Variants in KDM3A observed in about 807,000 individuals in gnomAD.
KDM3A encodes lysine demethylase 3A, also known as lysine-specific demethylase 3A.
KDM3A carries 60 observed loss-of-function variants against 158.0 expected under a neutral mutation model. The ratio of observed to expected loss-of-function variants is 0.38; its 90% CI spans 0.31 to 0.47. The LOEUF (loss-of-function observed/expected upper bound fraction) is 0.47, where lower values mean the gene tolerates loss of function less well. KDM3A is among the 20% of genes least tolerant of loss of function. The pLI is 0.99. For synonymous variants in KDM3A, 608 were observed against 549.3 expected (o/e 1.11, Z -1.49); for missense variants, 1,319 against 1,574.3 (o/e 0.84, Z 2.74).
chr2:86,456,548 T>A lies in KDM3A; in HGVS notation c.663T>A (p.Leu221=). 1 of 1,609,116 alleles carries A rather than the reference T, an allele frequency of 6.2e-7. No homozygotes were observed. Among genetic ancestry groups the A allele is most frequent in the Non-Finnish European group, 8.5e-7 (1 of 1,178,030 alleles). Residue 221 remains leucine (L), a synonymous_variant, in exon 6 of 26, where the codon CTT becomes CTA. Coordinates refer to ENST00000312912, the MANE Select transcript of KDM3A (RefSeq NM_018433.6). ...ATGGAAACCCAGCATCAAAAACTCT[T>A]CAAGTCAACTGTGAGGAGGTAAAGA... ...VINGNPASKT[L]QVNCEEIPAL... is the part of the protein sequence containing the mutation.
In KDM3A at chr2:86,466,477, G is replaced by A. The variant is rs766207623; in HGVS notation, c.1113G>A (p.Lys371=). The change falls in exon 10 of 26, where the codon AAG becomes AAA. Residue 371 remains lysine (K), a synonymous_variant. Coordinates refer to ENST00000312912, the MANE Select transcript of KDM3A (RefSeq NM_018433.6). ...TCTGCAAAGCAGGGTTGCTCTCAAA[G>A]TCCTCTCAGATTGGAACTGGAGACT... ...PDVCKAGLLS[K]SSQIGTGDLK... 7 of 1,613,832 alleles carry A rather than the reference G, an allele frequency of 4.3e-6. No individual in the cohort carries two copies. Among genetic ancestry groups the A allele is most frequent in the South Asian group, 3.3e-5 (3 of 91,084 alleles).
In KDM3A at chr2:86,455,161, A is replaced by G; in HGVS notation, c.530A>G (p.His177Arg). The G allele has an allele frequency of 6.2e-7, 1 of 1,602,054 alleles. No homozygotes were observed. The highest frequency in any genetic ancestry group is 8.5e-7 in the Non-Finnish European group (1 of 1,172,532). Residue 177 changes from histidine to arginine, a missense_variant, in exon 5 of 26, where the codon CAT becomes CGT. Transcript: ENST00000312912. ...SKEFQALIVKHLDESHLLKGD... is the reference protein window; with the variant it reads ...SKEFQALIVKRLDESHLLKGD... ...GAATTTCAAGCTTTGATTGTGAAGCATTTAGATGAAAGCCATCTTTTAAAA... is the reference window on the plus strand; with the variant it reads ...GAATTTCAAGCTTTGATTGTGAAGCGTTTAGATGAAAGCCATCTTTTAAAA...
rs756777757 is a variant in KDM3A, at chr2:86,455,158, A to G, written c.527A>G (p.Lys176Arg). 1.2e-6 allele frequency: 2 copies of G among 1,604,640 alleles called. No homozygotes were observed. The highest frequency in any genetic ancestry group is 2.2e-5 in the South Asian group (2 of 90,096). The change falls in exon 5 of 26, where the codon AAG becomes AGG. Residue 176 changes from lysine (K) to arginine (R), a missense_variant. Lys to Arg is a conservative substitution (Grantham distance 26). Transcript: ENST00000312912. ...AAAGAATTTCAAGCTTTGATTGTGA[A>G]GCATTTAGATGAAAGCCATCTTTTA... Reference protein sequence around the residue: ...VSKEFQALIVKHLDESHLLKG... With the variant: ...VSKEFQALIVRHLDESHLLKG...
chr2:86,440,447 G>C (rs1360979474), upstream of KDM3A, among the ~76,000 whole-genome samples: 1 of 152,070 alleles, frequency 6.6e-6, no homozygotes, highest in Non-Finnish European at 1.5e-5. Flanking sequence ...TTCAGGTCCA[G>C]AGCACACAAT....
In KDM3A at chr2:86,466,464, G is replaced by A; in HGVS notation, c.1100G>A (p.Gly367Glu). The A allele has an allele frequency of 6.2e-7, 1 of 1,613,816 alleles. No individual in the cohort carries two copies. The highest frequency in any genetic ancestry group is 8.5e-7 in the Non-Finnish European group (1 of 1,179,820). Reference sequence around the variant, plus strand: ...ACAAAACCAGATGTCTGCAAAGCAGGGTTGCTCTCAAAGTCCTCTCAGATT... The same window carrying A: ...ACAAAACCAGATGTCTGCAAAGCAGAGTTGCTCTCAAAGTCCTCTCAGATT... ...LRTKPDVCKA[G>E]LLSKSSQIGT... is the part of the protein sequence containing the mutation. Residue 367 changes from glycine to glutamate, a missense_variant, in exon 10 of 26, where the codon GGG becomes GAG. Coordinates refer to ENST00000312912, the MANE Select transcript of KDM3A (RefSeq NM_018433.6).
At chr2:86,441,940 G>T in intron 1 of KDM3A, 78 bp from the exon 2 acceptor site, 1 of 908,146 alleles carries the variant, frequency 1.1e-6, no homozygotes. Flanking sequence ...GGCGCCCTCC[G>T]CCCGCCCTCC....
At chr2:86,470,765 A>T (rs1231707628) in intron 11 of KDM3A, among the ~76,000 whole-genome samples, 4 of 152,206 alleles carry the variant, frequency 2.6e-5, no homozygotes, top group African/African-American at 9.6e-5. Flanking sequence ...CCTAGTTGGT[A>T]TATTGCACAC....
chr2:86,451,561 CCTTGT>C (rs144912991), intron 4 of KDM3A, among the ~76,000 whole-genome samples: 195 of 152,180 alleles, frequency 1.3e-3, no homozygotes, highest in Non-Finnish European at 2.3e-3. Context: ...AGGTTTTTGT[CCTTGT>C]CTTCATGTTG....
intron 1 of KDM3A, among the ~76,000 whole-genome samples, chr2:86,441,705 G>C (rs1558598834): frequency 6.6e-6 from 1 of 151,164 alleles, no homozygotes; most frequent in South Asian, 2.1e-4. Flanking sequence ...TTTTCTTTTC[G>C]GGGCTGGGGG....
rs755833831 is a variant in KDM3A at position 86,442,006 on chromosome 2, G to T, written c.-30-12G>T. 2.5e-6 allele frequency: 4 copies of T among 1,570,672 alleles called. No homozygotes were observed. Among genetic ancestry groups the T allele is most frequent in the South Asian group, 1.1e-5 (1 of 90,554 alleles). On this transcript the variant is annotated splice_polypyrimidine_tract_variant and intron_variant, in intron 1 of 25. Coordinates refer to ENST00000312912, the MANE Select transcript of KDM3A (RefSeq NM_018433.6). ...GCCGCCCCCGTCGCATTTTGTTTTT[G>T]TGTTTTTGCAGGGAGGAGCTCTTCC...
At chr2:86,484,402 C>T (rs1674086982) in intron 19 of KDM3A, among the ~76,000 whole-genome samples, 1 of 152,212 alleles carries the variant, frequency 6.6e-6, no homozygotes, top group Admixed American at 6.5e-5. Flanking sequence ...GTCTCTCTCT[C>T]TGAGCAGAAT....
At chr2:86,474,725 G>A in intron 11 of KDM3A, 51 bp from the exon 12 acceptor site, 1 of 808,780 alleles carries the variant, frequency 1.2e-6, no homozygotes, top group Admixed American at 1.8e-5. Flanking sequence ...GTGTGTGTGT[G>A]TGTGTGTGTG....
intron 2 of KDM3A, among the ~76,000 whole-genome samples, chr2:86,448,212 G>C (rs907175446): frequency 6.6e-6 from 1 of 152,212 alleles, no homozygotes; most frequent in Non-Finnish European, 1.5e-5. Context: ...GGAGGTTAGG[G>C]ATGCATGTTT....
intron 12 of KDM3A, among the ~76,000 whole-genome samples, chr2:86,475,601 A>T (rs1673625542): frequency 6.6e-6 from 1 of 152,188 alleles, no homozygotes; most frequent in Admixed American, 6.5e-5. Context: ...CCTTCATGAC[A>T]TCTCAAGCTA....
At chr2:86,457,936 A>G (rs1179760265) in intron 8 of KDM3A, among the ~76,000 whole-genome samples, 1 of 152,174 alleles carries the variant, frequency 6.6e-6, no homozygotes, top group African/African-American at 2.4e-5. Context: ...CTTTTAGGTG[A>G]ATTAAATCAT....
upstream of KDM3A, among the ~76,000 whole-genome samples, chr2:86,437,264 C>T (rs1217081164): frequency 2.6e-5 from 4 of 151,992 alleles, no homozygotes; most frequent in African/African-American, 9.7e-5. Flanking sequence ...TCTTCTGTCT[C>T]AGCCTCCCGA....
intron 4 of KDM3A, among the ~76,000 whole-genome samples, chr2:86,454,030 T>C (rs1215323169): frequency 6.6e-6 from 1 of 152,226 alleles, no homozygotes; most frequent in Non-Finnish European, 1.5e-5. Flanking sequence ...GACTGTGGAA[T>C]AGTGCCAAGA....
In KDM3A at chr2:86,470,292, T is replaced by G. The variant is rs754474938; in HGVS notation, c.1608T>G (p.Cys536Trp). 1.2e-6 allele frequency: 2 copies of G among 1,614,040 alleles called. No homozygotes were observed. The highest frequency in any genetic ancestry group is 2.7e-5 in the African/African-American group (2 of 74,934). The stretch of plus-strand genomic sequence containing the variant: ...AGGCCTTCGTACAGGATGATTCTTG[T>G]GTGAACATCGTGGCACAGTTGCCTA... ...SGEAFVQDDS[C>W]VNIVAQLPKC... Residue 536 changes from cysteine (C) to tryptophan (W), a missense_variant, in exon 11 of 26, where the codon TGT becomes TGG. Coordinates refer to ENST00000312912, the MANE Select transcript of KDM3A (RefSeq NM_018433.6).
intron 14 of KDM3A, 109 bp downstream of exon 14, chr2:86,478,374 G>C: frequency 1.1e-6 from 1 of 900,870 alleles, no homozygotes; most frequent in Non-Finnish European, 1.7e-6. Context: ...AGTGTGTATT[G>C]TAAGTTGTCC....
Sources: allele counts gnomAD v4.1 joint callset (sites outside exome capture counted in the v4.1 genomes callset), GRCh38; gene constraint gnomAD v4.1.1; transcripts MANE v1.5; gene names NCBI Gene and HGNC (gene_info 2026-07-23, HGNC 2026-07-21).